BTG3: variants seen among roughly 807,000 people sequenced by gnomAD.
BTG3 encodes BTG anti-proliferation factor 3.
Under a neutral mutation model 25.8 loss-of-function variants are expected in BTG3, and 4 were observed. That is an observed-to-expected ratio of 0.16 (90% CI 0.08 to 0.36). The LOEUF (loss-of-function observed/expected upper bound fraction) is 0.36. Among genes scored for constraint, BTG3 ranks in the 10% least tolerant of loss-of-function variants. The pLI is 1.00. For missense variants in BTG3, 201 were observed against 304.9 expected, an observed-to-expected ratio of 0.66 and a Z score of 2.54; for synonymous variants, 107 against 99.9, an observed-to-expected ratio of 1.07 and a Z score of -0.42.
intron 3 of BTG3, among the ~76,000 whole-genome samples, chr21:17,604,565 G>A (rs556555358): frequency 1.3e-5 from 2 of 152,274 alleles, no homozygotes; most frequent in Non-Finnish European, 2.9e-5. Context: ...ACCAATTAAA[G>A]ATAATAGACA....
intron 2 of BTG3, among the ~76,000 whole-genome samples, chr21:17,607,450 T>C (rs2061658884): frequency 6.6e-6 from 1 of 152,238 alleles, no homozygotes; most frequent in Non-Finnish European, 1.5e-5. Context: ...TGTGTTAGCG[T>C]GCACATTTCT....
Position 17,612,859 on chromosome 21 carries a change from G to C in BTG3, c.-169C>G, listed in dbSNP as rs2061755462. The C allele has an allele frequency of 1.3e-5, 2 of 152,110 alleles. No individual in the cohort carries two copies. Among genetic ancestry groups the C allele is most frequent in the African/African-American group, 2.4e-5 (1 of 41,440 alleles). 9.4% of individuals were successfully genotyped at this position (152,110 alleles called of 1,614,324 possible). A position where few individuals can be genotyped will look rare whatever the true frequency, so the allele number is the denominator to read the frequency against. ...CTCCCGCGTCGTCGGGCGGCCAAGCGCGCGTTGAGAGGACTGGCGGGCGGA... is the reference window on the plus strand; with the variant it reads ...CTCCCGCGTCGTCGGGCGGCCAAGCCCGCGTTGAGAGGACTGGCGGGCGGA... On this transcript the variant is annotated 5_prime_UTR_variant, in exon 1 of 5. Transcript: ENST00000348354.
Position 17,593,809 on chromosome 21 carries a change from G to T in BTG3, c.*284C>A. 2.9e-6 allele frequency: 1 copy of T among 344,554 alleles called. No homozygotes were observed. The allele number at this position is 344,554 out of a possible 1,614,324, so 21.3% of individuals were successfully genotyped here. On this transcript the variant is annotated 3_prime_UTR_variant, in exon 5 of 5. Transcript: ENST00000348354. Reference sequence around the variant, plus strand: ...AGAACAAATCGTCCACTTCTACAGTGTTCTCGTATCCAACAGAGTTGATGC... The same window carrying T: ...AGAACAAATCGTCCACTTCTACAGTTTTCTCGTATCCAACAGAGTTGATGC...
chr21:17,603,850 T>C (rs796953417), intron 3 of BTG3, among the ~76,000 whole-genome samples: 11 of 152,356 alleles, frequency 7.2e-5, no homozygotes, highest in African/African-American at 2.6e-4. Context: ...CTTTCTACTT[T>C]GTGCAACCTA....
intron 1 of BTG3, among the ~76,000 whole-genome samples, chr21:17,610,656 G>C (rs1254277342): frequency 6.6e-6 from 1 of 152,148 alleles, no homozygotes; most frequent in East Asian, 1.9e-4. Context: ...TCATTCATCT[G>C]GCTGCTGTAA....
At position 17,594,313 on chromosome 21, in the gene BTG3, G is replaced by C; in HGVS notation, c.539C>G (p.Pro180Arg). 6.2e-7 allele frequency: 1 copy of C among 1,612,608 alleles called. No homozygotes were observed. Among genetic ancestry groups the C allele is most frequent in the Non-Finnish European group, 8.5e-7 (1 of 1,179,104 alleles). Residue 180 changes from proline to arginine, a missense_variant, in exon 5 of 5, where the codon CCA becomes CGA. Pro to Arg is a moderately radical substitution (Grantham distance 103, BLOSUM62 -2). Coordinates refer to ENST00000348354, the MANE Select transcript of BTG3 (RefSeq NM_006806.5). ...CAAAGGGTGCCACATTGGAAGAGGT[G>C]GAAATATAAGTTCTGAAATCTGTAG... ...PVYQISELIF[P>R]PLPMWHPLPR...
chr21:17,612,871 G>A lies in BTG3; in HGVS notation c.-181C>T, dbSNP rs1348687963. ...CGGGCGGCCAAGCGCGCGTTGAGAG[G>A]ACTGGCGGGCGGACGAGCGCGCACA... On this transcript the variant is annotated 5_prime_UTR_variant, in exon 1 of 5. Coordinates refer to ENST00000348354, the MANE Select transcript of BTG3 (RefSeq NM_006806.5). 1.3e-5 allele frequency: 2 copies of A among 152,072 alleles called. No individual in the cohort carries two copies. Among genetic ancestry groups the A allele is most frequent in the Admixed American group, 6.5e-5 (1 of 15,278 alleles). The allele number at this position is 152,072 out of a possible 1,614,324, so 9.4% of individuals were successfully genotyped here. A position where few individuals can be genotyped will look rare whatever the true frequency, so the allele number is the denominator to read the frequency against.
chr21:17,602,859 T>C (rs573434089), intron 3 of BTG3, among the ~76,000 whole-genome samples: 13 of 152,374 alleles, frequency 8.5e-5, no homozygotes, highest in African/African-American at 3.1e-4. Context: ...AGGTCCAAAA[T>C]GTTTATATAA....
intron 2 of BTG3, among the ~76,000 whole-genome samples, chr21:17,606,616 T>C (rs958535271): frequency 1.3e-5 from 2 of 152,142 alleles, no homozygotes; most frequent in African/African-American, 4.8e-5. Flanking sequence ...AAATTATATA[T>C]AAATATAGAT....
intron 2 of BTG3, among the ~76,000 whole-genome samples, chr21:17,607,976 G>A (rs1456863213): frequency 1.3e-5 from 2 of 152,214 alleles, no homozygotes; most frequent in East Asian, 1.9e-4. Context: ...ACAGCTCCAA[G>A]TGAGAATTAC....
At chr21:17,603,481 G>A (rs1289728723) in intron 3 of BTG3, among the ~76,000 whole-genome samples, 1 of 152,070 alleles carries the variant, frequency 6.6e-6, no homozygotes, top group Non-Finnish European at 1.5e-5. Context: ...AAATTTAATG[G>A]AAGAATAATC....
intron 1 of BTG3, among the ~76,000 whole-genome samples, chr21:17,610,453 A>AC: frequency 6.6e-6 from 1 of 152,360 alleles, no homozygotes; most frequent in South Asian, 2.1e-4. Context: ...ATCTATCAGG[A>AC]CATATTTAAG....
rs2061478107 is a variant in BTG3 at position 17,594,476 on chromosome 21, T to G, written c.520-144A>C. On this transcript the variant is annotated intron_variant, in intron 4 of 4. Coordinates refer to ENST00000348354, the MANE Select transcript of BTG3 (RefSeq NM_006806.5). ...CTCCTATTGTCAGGTCTAAATACAT[T>G]AAAAACCTCATGTGTAATAGGCGTA... The G allele has an allele frequency of 7.3e-6, 7 of 957,376 alleles. No homozygotes were observed. In the South Asian group the frequency reaches 1.1e-4, roughly 14 times the overall value. The allele number at this position is 957,376 out of a possible 1,614,324, so 59.3% of individuals were successfully genotyped here. A position where few individuals can be genotyped will look rare whatever the true frequency, so the allele number is the denominator to read the frequency against.
chr21:17,597,936 A>G (rs1266457361), intron 4 of BTG3, among the ~76,000 whole-genome samples: 1 of 152,184 alleles, frequency 6.6e-6, no homozygotes, highest in African/African-American at 2.4e-5. Context: ...AAAAATAGAT[A>G]ACCTTTAAAA....
chr21:17,598,041 G>A (rs143243490), intron 4 of BTG3, among the ~76,000 whole-genome samples: 6 of 152,226 alleles, frequency 3.9e-5, no homozygotes, highest in African/African-American at 1.4e-4. Context: ...GAAGAATGCT[G>A]TTTGGTCAAC....
chr21:17,608,023 G>A (rs2061667918), intron 2 of BTG3, among the ~76,000 whole-genome samples: 1 of 152,216 alleles, frequency 6.6e-6, no homozygotes, highest in Non-Finnish European at 1.5e-5. Context: ...TAACACTGTG[G>A]TGTGCAGAAA....
chr21:17,594,339 G>A lies in BTG3; in HGVS notation c.520-7C>T, dbSNP rs755502179. ...GAAATATAAGTTCTGAAATCTGTAG[G>A]GAAGAGAACACATTAAGTTAATTCA... On this transcript the variant is annotated splice_region_variant and splice_polypyrimidine_tract_variant and intron_variant, in intron 4 of 4. Transcript: ENST00000348354. 2 of 1,610,226 alleles carry A rather than the reference G, an allele frequency of 1.2e-6. No individual in the cohort carries two copies. Among genetic ancestry groups the A allele is most frequent in the Non-Finnish European group, 8.5e-7 (1 of 1,178,234 alleles).
At chr21:17,595,696 CAAT>C (rs146501528) in intron 4 of BTG3, among the ~76,000 whole-genome samples, 1,924 of 151,870 alleles carry the variant, frequency 0.013, 46 homozygotes, top group African/African-American at 0.044. Context: ...ATTAAAAAAA[CAAT>C]GATACACAAC....
intron 3 of BTG3, among the ~76,000 whole-genome samples, chr21:17,601,556 C>G (rs2061574789): frequency 6.6e-6 from 1 of 152,082 alleles, no homozygotes; most frequent in Admixed American, 6.5e-5. Context: ...AAAATAAATT[C>G]CTAAACAATT....
Sources: gnomAD v4.1 joint callset for allele counts (sites outside exome capture counted in the v4.1 genomes callset) on GRCh38, gnomAD v4.1.1 for gene constraint, MANE v1.5 for transcripts, NCBI Gene and HGNC (gene_info 2026-07-23, HGNC 2026-07-21) for gene names.